The following CUL4A variants were observed in gnomAD, a reference collection of about 807,000 sequenced individuals.
CUL4A encodes cullin-4A.
CUL4A carries 16 observed loss-of-function variants against 95.5 expected under a neutral mutation model. That is an observed-to-expected ratio of 0.17 (90% CI 0.11 to 0.25). The LOEUF (loss-of-function observed/expected upper bound fraction) is 0.25, where lower values mean the gene tolerates loss of function less well. Among genes scored for constraint, CUL4A ranks in the 10% least tolerant of loss-of-function variants. The pLI, the probability that CUL4A is intolerant of heterozygous loss-of-function variation, is 1.00. For missense variants in CUL4A, 610 were observed against 937.0 expected, an observed-to-expected ratio of 0.65 and a Z score of 4.56; for synonymous variants, 380 against 353.1, an observed-to-expected ratio of 1.08 and a Z score of -0.85.
At chr13:113,245,282 G>C in intron 14 of CUL4A, 45 bp downstream of exon 14, 1 of 1,533,984 alleles carries the variant, frequency 6.5e-7, no homozygotes. Flanking sequence ...AAAAGTATCT[G>C]TTAGTGTGGT....
intron 2 of CUL4A, among the ~76,000 whole-genome samples, chr13:113,211,130 T>C (rs909062654): frequency 1.3e-5 from 2 of 152,232 alleles, no homozygotes; most frequent in East Asian, 1.9e-4. Flanking sequence ...CAGTCAGCCC[T>C]CTCCCCTGAC....
intron 5 of CUL4A, among the ~76,000 whole-genome samples, chr13:113,231,978 TACC>T (rs142956501): frequency 0.03 from 4,055 of 135,120 alleles, 270 homozygotes; most frequent in African/African-American, 0.093. Context: ...TTAATAATAC[TACC>T]ACCACCACCC....
intron 10 of CUL4A, among the ~76,000 whole-genome samples, chr13:113,241,473 C>T (rs975528689): frequency 2.0e-5 from 3 of 151,896 alleles, no homozygotes; most frequent in African/African-American, 7.3e-5. Flanking sequence ...CCACACACCG[C>T]CCCTCTCTGG....
chr13:113,255,160 G>A (rs202242155), intron 18 of CUL4A, 35 bp downstream of exon 18: 1 of 1,492,734 alleles, frequency 6.7e-7, no homozygotes, highest in East Asian at 2.3e-5. Flanking sequence ...CTTATAGGGG[G>A]TTTAGCAGGG....
intron 2 of CUL4A, among the ~76,000 whole-genome samples, chr13:113,211,795 A>G (rs2040456399): frequency 6.6e-6 from 1 of 152,192 alleles, no homozygotes; most frequent in South Asian, 2.1e-4. Flanking sequence ...TCTAGAAGTA[A>G]GTTCTCAGGG....
rs1296987922 is a variant in CUL4A at position 113,209,679 on chromosome 13, A to G, written c.52A>G (p.Thr18Ala). ...KGSFSALVGR[T>A]NGLTKPAALA... ...CAGCTTCTCGGCGCTCGTGGGCCGC[A>G]CCAACGGCCTCACCAAGCCCGCGGC... Residue 18 changes from threonine to alanine, a missense_variant, in exon 1 of 20, where the codon ACC becomes GCC. By Grantham distance (58) the Thr-to-Ala change is moderately conservative (BLOSUM62 0). Transcript: ENST00000375440. 1.8e-5 allele frequency: 21 copies of G among 1,143,036 alleles called. No individual in the cohort carries two copies. Among genetic ancestry groups the G allele is most frequent in the Non-Finnish European group, 2.3e-5 (21 of 932,134 alleles). 70.8% of individuals were successfully genotyped at this position (1,143,036 alleles called of 1,614,324 possible). A position where few individuals can be genotyped will look rare whatever the true frequency, so the allele number is the denominator to read the frequency against.
intron 4 of CUL4A, among the ~76,000 whole-genome samples, chr13:113,228,274 G>T (rs1038034372): frequency 4.0e-4 from 61 of 152,214 alleles, no homozygotes; most frequent in African/African-American, 1.2e-3. Context: ...AGTGGTGACA[G>T]GGTTCTTAGA....
chr13:113,241,172 A>G (rs1358798812), intron 10 of CUL4A, among the ~76,000 whole-genome samples: 1 of 152,150 alleles, frequency 6.6e-6, no homozygotes, highest in Non-Finnish European at 1.5e-5. Context: ...GCTACTGAAG[A>G]TTTAGGTTTT....
At chr13:113,256,904 G>GCTTTGTC (rs1469537238) in intron 18 of CUL4A, among the ~76,000 whole-genome samples, 4 of 98,526 alleles carry the variant, frequency 4.1e-5, no homozygotes, top group Non-Finnish European at 8.5e-5. Context: ...GGATATTAAT[G>GCTTTGTC]CTTTGTCCCT....
In CUL4A at chr13:113,266,978, A is replaced by G. The variant is rs1462520143; in HGVS notation, c.*3396A>G. On this transcript the variant is annotated 3_prime_UTR_variant, in exon 20 of 20. Transcript: ENST00000375440. The stretch of plus-strand genomic sequence containing the variant: ...ACATCCATCACCTCAAATACTTAAC[A>G]TTTTTGTAGTGAGAACATCTGAAAT... 1 of 152,198 alleles carries G rather than the reference A, an allele frequency of 6.6e-6. No individual in the cohort carries two copies. The highest frequency in any genetic ancestry group is 2.4e-5 in the African/African-American group (1 of 41,444). The allele number at this position is 152,198 out of a possible 1,614,324, so 9.4% of individuals were successfully genotyped here.
intron 2 of CUL4A, among the ~76,000 whole-genome samples, chr13:113,218,676 C>T (rs2040783078): frequency 6.6e-6 from 1 of 152,184 alleles, no homozygotes; most frequent in Non-Finnish European, 1.5e-5. Flanking sequence ...AGGCCAGCTG[C>T]CTGGGACCCG....
chr13:113,242,439 G>A (rs866384402), intron 10 of CUL4A, among the ~76,000 whole-genome samples: 24 of 152,114 alleles, frequency 1.6e-4, no homozygotes, highest in African/African-American at 4.6e-4. Flanking sequence ...TTTTCCAGTC[G>A]TTTGTAAGTT....
At chr13:113,224,694 C>T (rs1023779609) in intron 3 of CUL4A, among the ~76,000 whole-genome samples, 8 of 152,270 alleles carry the variant, frequency 5.3e-5, no homozygotes, top group African/African-American at 1.9e-4. Flanking sequence ...CACTTGCTGG[C>T]AGTAGGCCAA....
intron 2 of CUL4A, among the ~76,000 whole-genome samples, chr13:113,217,334 G>A (rs763590216): frequency 6.6e-5 from 10 of 152,236 alleles, no homozygotes; most frequent in Non-Finnish European, 1.3e-4. Context: ...GGATGGAATT[G>A]AAGAGTTTGA....
In CUL4A at chr13:113,264,622, A is replaced by G. The variant is rs1299545359; in HGVS notation, c.*1040A>G. The G allele has an allele frequency of 6.5e-6, 1 of 152,686 alleles. No individual in the cohort carries two copies. Among genetic ancestry groups the G allele is most frequent in the Non-Finnish European group, 1.5e-5 (1 of 68,054 alleles). 9.5% of individuals were successfully genotyped at this position (152,686 alleles called of 1,614,324 possible). On this transcript the variant is annotated 3_prime_UTR_variant, in exon 20 of 20. Transcript: ENST00000375440. ...CAGTAGTGATGTTAGAAGGGTAACT[A>G]TGACAAAGATACTTTTGAGATAACA... is the stretch of plus-strand genomic sequence containing the variant.
In CUL4A at chr13:113,229,535, G is replaced by A. The variant is rs1160676599; in HGVS notation, c.512+16G>A. 3.1e-6 allele frequency: 5 copies of A among 1,604,024 alleles called. No individual in the cohort carries two copies. In the Admixed American group the frequency reaches 8.4e-5, roughly 27 times the overall value. On this transcript the variant is annotated intron_variant, in intron 5 of 19. Coordinates refer to ENST00000375440, the MANE Select transcript of CUL4A (RefSeq NM_001008895.4). Reference sequence around the variant, plus strand: ...CCTCCATCTGGTGAGTGTCCTCACAGCGCAGAGCTGCGTCTTCCCTGCAGC... The same window carrying A: ...CCTCCATCTGGTGAGTGTCCTCACAACGCAGAGCTGCGTCTTCCCTGCAGC...
At chr13:113,261,765 G>A (rs1421051402) in intron 19 of CUL4A, among the ~76,000 whole-genome samples, 2 of 22,010 alleles carry the variant, frequency 9.1e-5, no homozygotes, top group Non-Finnish European at 1.4e-4. Flanking sequence ...CAGGGCGCCC[G>A]CTCTGCTCTC....
intron 15 of CUL4A, among the ~76,000 whole-genome samples, chr13:113,252,819 G>T (rs1470067201): frequency 6.6e-6 from 1 of 152,200 alleles, no homozygotes. Context: ...GCCCCAGCAA[G>T]CCCTGGTATG....
chr13:113,260,211 A>AAAAAAAAAAAAACAAAAC (rs1197388632), intron 18 of CUL4A, among the ~76,000 whole-genome samples: 15 of 119,526 alleles, frequency 1.3e-4, no homozygotes, highest in African/African-American at 5.4e-4. Context: ...CTCAAAAAAA[A>AAAAAAAAAAAAACAAAAC]AAAAAAAACC....
Sources: gnomAD v4.1 joint callset for allele counts (sites outside exome capture counted in the v4.1 genomes callset) on GRCh38, gnomAD v4.1.1 for gene constraint, MANE v1.5 for transcripts, NCBI Gene and HGNC (gene_info 2026-07-23, HGNC 2026-07-21) for gene names.